Variants in RBMS3 observed in about 807,000 individuals in gnomAD.
RBMS3 encodes RNA-binding motif, single-stranded-interacting protein 3.
In RBMS3, 27 loss-of-function variants were observed where a neutral mutation model predicts 66.8. The observed-to-expected ratio is 0.40, with a 90% CI of 0.30 to 0.56. The LOEUF (loss-of-function observed/expected upper bound fraction) is 0.56, where lower values mean the gene tolerates loss of function less well. Ranked by LOEUF, RBMS3 falls within the 20% of genes least tolerant of loss-of-function variation. The probability of loss-of-function intolerance (pLI) is 0.40; values close to 1 mark genes in which losing one functional copy is unlikely to be tolerated. For synonymous variants in RBMS3, 188 were observed against 183.0 expected, an observed-to-expected ratio of 1.03 and a Z score of -0.22; for missense variants, 513 against 549.5, an observed-to-expected ratio of 0.93 and a Z score of 0.66.
At chr3:29,975,236 G>A (rs1023099045) in intron 12 of RBMS3, among the ~76,000 whole-genome samples, 3 of 150,286 alleles carry the variant, frequency 2.0e-5, no homozygotes, top group African/African-American at 7.3e-5. Flanking sequence ...CTTTAAATAT[G>A]TTATACTTAT....
At chr3:29,500,334 T>C (rs1271253654) in intron 3 of RBMS3, among the ~76,000 whole-genome samples, 1 of 151,018 alleles carries the variant, frequency 6.6e-6, no homozygotes, top group Non-Finnish European at 1.5e-5. Context: ...AAGATTCCCG[T>C]ATAGAAAATA....
intron 1 of RBMS3, among the ~76,000 whole-genome samples, chr3:29,312,964 A>T (rs2034469654): frequency 6.6e-6 from 1 of 151,488 alleles, no homozygotes; most frequent in South Asian, 2.1e-4. Context: ...GTACCCCATC[A>T]TTTCAGGACA....
chr3:29,669,492 G>T (rs1343798711), intron 4 of RBMS3, among the ~76,000 whole-genome samples: 1 of 152,122 alleles, frequency 6.6e-6, no homozygotes, highest in Non-Finnish European at 1.5e-5. Flanking sequence ...TAGATTCATT[G>T]TACCACACGG....
intron 4 of RBMS3, among the ~76,000 whole-genome samples, chr3:29,700,133 A>G (rs748149220): frequency 6.6e-5 from 10 of 152,084 alleles, no homozygotes; most frequent in Non-Finnish European, 1.5e-4. Context: ...GGACTATGTG[A>G]TCTCTGGATA....
intron 3 of RBMS3, among the ~76,000 whole-genome samples, chr3:29,548,171 A>T (rs1391851969): frequency 1.3e-5 from 2 of 152,146 alleles, no homozygotes; most frequent in African/African-American, 4.8e-5. Flanking sequence ...CGTGGCCTGT[A>T]GTCCCAGAGC....
At chr3:29,701,391 T>A (rs78654698) in intron 4 of RBMS3, among the ~76,000 whole-genome samples, 7,689 of 152,222 alleles carry the variant, frequency 0.051, 662 homozygotes, top group African/African-American at 0.17. Flanking sequence ...AATGACTGTT[T>A]GGTGGCCCAT....
intron 4 of RBMS3, among the ~76,000 whole-genome samples, chr3:29,728,704 A>G (rs549581121): frequency 6.6e-6 from 1 of 150,692 alleles, no homozygotes; most frequent in Non-Finnish European, 1.5e-5. Flanking sequence ...TTCTCTTTGG[A>G]AAGCCTCTCT....
intron 11 of RBMS3, among the ~76,000 whole-genome samples, chr3:29,942,254 C>T (rs1053656220): frequency 1.3e-5 from 2 of 151,732 alleles, no homozygotes; most frequent in African/African-American, 4.8e-5. Context: ...TGTAGTGGTT[C>T]ATGCCTGTTA....
intron 3 of RBMS3, among the ~76,000 whole-genome samples, chr3:29,501,364 T>G (rs993964796): frequency 4.6e-5 from 7 of 152,176 alleles, no homozygotes; most frequent in Non-Finnish European, 8.8e-5. Context: ...AGCCAACCCT[T>G]TGTCTCTGTT....
intron 4 of RBMS3, among the ~76,000 whole-genome samples, chr3:29,619,509 T>A (rs1325507068): frequency 6.6e-6 from 1 of 152,188 alleles, no homozygotes; most frequent in Non-Finnish European, 1.5e-5. Context: ...GGAGATCTTT[T>A]TAAGACACCA....
intron 3 of RBMS3, among the ~76,000 whole-genome samples, chr3:29,545,593 C>A (rs538612772): frequency 6.6e-6 from 1 of 152,240 alleles, no homozygotes; most frequent in African/African-American, 2.4e-5. Context: ...ACCATCATGA[C>A]ACAAATTATT....
At chr3:29,701,238 T>C (rs1310247705) in intron 4 of RBMS3, among the ~76,000 whole-genome samples, 2 of 151,590 alleles carry the variant, frequency 1.3e-5, no homozygotes, top group East Asian at 3.9e-4. Context: ...GATCGCGCCA[T>C]TGCACTCCAG....
chr3:29,749,349 A>G (rs2055071392), intron 5 of RBMS3, among the ~76,000 whole-genome samples: 1 of 152,202 alleles, frequency 6.6e-6, no homozygotes, highest in African/African-American at 2.4e-5. Context: ...CCAGTTCCCC[A>G]TGTAAACCAA....
intron 4 of RBMS3, among the ~76,000 whole-genome samples, chr3:29,701,364 C>G (rs977946875): frequency 6.6e-6 from 1 of 152,106 alleles, no homozygotes; most frequent in African/African-American, 2.4e-5. Context: ...TAAGAGCTCA[C>G]TCACTGCAGT....
At chr3:29,593,821 A>G (rs2047850421) in intron 4 of RBMS3, among the ~76,000 whole-genome samples, 1 of 152,256 alleles carries the variant, frequency 6.6e-6, no homozygotes, top group South Asian at 2.1e-4. Context: ...ACAAAGTTTC[A>G]TGAAGTTCAC....
At chr3:29,920,843 C>T (rs1373562483) in intron 10 of RBMS3, among the ~76,000 whole-genome samples, 1 of 107,474 alleles carries the variant, frequency 9.3e-6, no homozygotes. Flanking sequence ...GGTGTGGTGG[C>T]ACGTGGTCTC....
chr3:29,952,282 C>T (rs1314666609), intron 12 of RBMS3, among the ~76,000 whole-genome samples: 10 of 151,800 alleles, frequency 6.6e-5, no homozygotes, highest in Non-Finnish European at 1.3e-4. Context: ...GATTCTATAA[C>T]CTAAATTCAT....
rs138417112 is a variant in RBMS3 at position 29,729,437 on chromosome 3, G to T, written c.400-10283G>T. Among the ~76,000 whole-genome samples the T allele has an allele frequency of 4.9e-3, 751 of 152,110 alleles. 2 individuals carry two copies. The highest frequency in any genetic ancestry group is 7.6e-3 in the Admixed American group (116 of 15,282). ...AGTCTTTGCTATTGTGAATAGTGCC[G>T]CAATAAACATACGCGTGCATGTGTC... On this transcript the variant is annotated intron_variant, in intron 4 of 14. Transcript: ENST00000383767.
chr3:29,646,423 C>T (rs1195267577), intron 4 of RBMS3, among the ~76,000 whole-genome samples: 1 of 152,172 alleles, frequency 6.6e-6, no homozygotes, highest in Non-Finnish European at 1.5e-5. Flanking sequence ...GTAATTGCAT[C>T]TCATCATGAG....
Sources: gnomAD v4.1 joint callset for allele counts (sites outside exome capture counted in the v4.1 genomes callset) on GRCh38, gnomAD v4.1.1 for gene constraint, MANE v1.5 for transcripts, NCBI Gene and HGNC (gene_info 2026-07-23, HGNC 2026-07-21) for gene names.